MAML2: variants seen among roughly 807,000 people sequenced by gnomAD.
The protein encoded by MAML2 is mastermind-like protein 2.
In MAML2, 22 loss-of-function variants were observed where a neutral mutation model predicts 96.1. The observed-to-expected ratio is 0.23, with a 90% confidence interval of 0.16 to 0.33. MAML2 has a LOEUF of 0.33. Ranked by LOEUF, MAML2 falls within the 10% of genes least tolerant of loss-of-function variation. The pLI, the probability that MAML2 is intolerant of heterozygous loss-of-function variation, is 1.00. For synonymous variants in MAML2, 561 were observed against 521.3 expected, an observed-to-expected ratio of 1.08 and a Z score of -1.04; for missense variants, 1,367 against 1,392.4, an observed-to-expected ratio of 0.98 and a Z score of 0.29.
At chr11:95,988,171 GAGAT>G (rs113858488) in intron 3 of MAML2, among the ~76,000 whole-genome samples, 4 of 151,926 alleles carry the variant, frequency 2.6e-5, no homozygotes, top group African/African-American at 9.7e-5. Flanking sequence ...GAGAAAGAGA[GAGAT>G]AAAGAGAAGA....
At position 96,255,716 on chromosome 11, in the gene MAML2, G is replaced by T. The variant is rs569197881; in HGVS notation, c.513+85667C>A. 2.6e-5 allele frequency among the ~76,000 whole-genome samples: 4 copies of T among 152,208 alleles called. No homozygotes were observed. The South Asian group carries it at 8.3e-4, about 32-fold the overall frequency. On this transcript the variant is annotated intron_variant, in intron 1 of 4. Coordinates refer to ENST00000524717, the MANE Select transcript of MAML2 (RefSeq NM_032427.4). ...CTGCAGCCGCCATTTCCAGATGAGG[G>T]AATGACAAAGCCACAGGCTACGAAT...
chr11:96,155,536 A>ATATATC (rs1860998581), intron 1 of MAML2, among the ~76,000 whole-genome samples: 1 of 123,352 alleles, frequency 8.1e-6, no homozygotes, highest in Non-Finnish European at 1.7e-5. Context: ...ATATATATAT[A>ATATATC]TATATATATA....
intron 1 of MAML2, among the ~76,000 whole-genome samples, chr11:96,283,293 T>C (rs116541812): frequency 3.0e-3 from 457 of 152,342 alleles, no homozygotes; most frequent in African/African-American, 0.01. Context: ...TAATCTCACA[T>C]TAGTTTATTA....
chr11:96,152,805 C>T (rs1184205127), intron 1 of MAML2, among the ~76,000 whole-genome samples: 2 of 152,158 alleles, frequency 1.3e-5, no homozygotes, highest in Non-Finnish European at 2.9e-5. Context: ...TTTAACAATG[C>T]AGCTCAAACA....
intron 1 of MAML2, among the ~76,000 whole-genome samples, chr11:96,336,418 T>C (rs1863921692): frequency 6.6e-6 from 1 of 152,252 alleles, no homozygotes; most frequent in African/African-American, 2.4e-5. Context: ...TGGTTTTGCA[T>C]ACCATTAGGC....
chr11:96,204,679 T>A (rs2135933583), intron 1 of MAML2, among the ~76,000 whole-genome samples: 1 of 152,292 alleles, frequency 6.6e-6, no homozygotes, highest in East Asian at 1.9e-4. Context: ...AAACCACAAT[T>A]TATATCAGAA....
intron 2 of MAML2, among the ~76,000 whole-genome samples, chr11:96,017,620 C>T (rs1165280980): frequency 1.3e-5 from 2 of 152,080 alleles, no homozygotes; most frequent in African/African-American, 4.8e-5. Context: ...GGGTGTGTTG[C>T]TGGTACAGGT....
intron 2 of MAML2, among the ~76,000 whole-genome samples, chr11:96,046,788 G>C (rs1590980150): frequency 6.6e-6 from 1 of 152,128 alleles, no homozygotes. Flanking sequence ...TTTAGGAAAA[G>C]ATATGGTGGA....
intron 2 of MAML2, among the ~76,000 whole-genome samples, chr11:95,994,940 A>T (rs1857969842): frequency 6.6e-6 from 1 of 152,190 alleles, no homozygotes; most frequent in African/African-American, 2.4e-5. Context: ...GATGTGGCAG[A>T]AGTTAATTCA....
chr11:96,087,664 A>G (rs1181876055), intron 2 of MAML2, among the ~76,000 whole-genome samples: 2 of 152,104 alleles, frequency 1.3e-5, no homozygotes, highest in Non-Finnish European at 2.9e-5. Flanking sequence ...TATACTGACA[A>G]ATTTTGTTTC....
At chr11:96,310,727 C>T (rs569197267) in intron 1 of MAML2, among the ~76,000 whole-genome samples, 1 of 152,300 alleles carries the variant, frequency 6.6e-6, no homozygotes, top group South Asian at 2.1e-4. Context: ...AATTAAGTCA[C>T]TGTGCCTCTC....
intron 3 of MAML2, 85 bp from the exon 4 acceptor site, chr11:95,985,727 G>A: frequency 1.2e-6 from 1 of 811,192 alleles, no homozygotes; most frequent in East Asian, 2.8e-5. Flanking sequence ...TAAAATTTCA[G>A]AAAATATAAG....
In MAML2 at chr11:96,166,215, A is replaced by ACACACC. The variant is rs1372110272; in HGVS notation, c.514-72699_514-72698insGGTGTG. ...CACACACACACACACACACACACAC[A>ACACACC]CCCCACATTATGAAGGACTTTCAGG... On this transcript the variant is annotated intron_variant, in intron 1 of 4. Coordinates refer to ENST00000524717, the MANE Select transcript of MAML2 (RefSeq NM_032427.4). Among the ~76,000 whole-genome samples the ACACACC allele has an allele frequency of 8.9e-3, 1,296 of 145,260 alleles. 8 individuals carry two copies. Among genetic ancestry groups the ACACACC allele is most frequent in the African/African-American group, 0.013 (516 of 39,256 alleles).
chr11:96,167,499 G>A (rs2135896380), intron 1 of MAML2, among the ~76,000 whole-genome samples: 1 of 152,290 alleles, frequency 6.6e-6, no homozygotes, highest in Middle Eastern at 3.4e-3. Flanking sequence ...TTCGCACAGA[G>A]CAGAAGATCT....
chr11:96,188,001 T>C (rs1199529154), intron 1 of MAML2, among the ~76,000 whole-genome samples: 4 of 152,180 alleles, frequency 2.6e-5, no homozygotes, highest in Non-Finnish European at 5.9e-5. Context: ...CTTTGGCCTA[T>C]GGTTAAATGG....
At chr11:96,309,695 A>AG (rs1863510799) in intron 1 of MAML2, among the ~76,000 whole-genome samples, 1 of 118,114 alleles carries the variant, frequency 8.5e-6, no homozygotes. Context: ...CCAAAGGAAC[A>AG]ATTTTTTTTT....
At chr11:96,159,484 C>A (rs1386473118) in intron 1 of MAML2, among the ~76,000 whole-genome samples, 7 of 62,416 alleles carry the variant, frequency 1.1e-4, no homozygotes, top group African/African-American at 3.3e-4. Flanking sequence ...GCGATCTCGG[C>A]TGCGAGCCGA....
intron 1 of MAML2, among the ~76,000 whole-genome samples, chr11:96,177,860 GTTTTTGAGGGAA>G (rs931183382): frequency 5.9e-5 from 9 of 151,504 alleles, no homozygotes; most frequent in African/African-American, 1.5e-4. Context: ...AGACAGTGGC[GTTTTTGAGGGAA>G]TTTTTGAGGG....
At chr11:96,183,002 G>A (rs1257189359) in intron 1 of MAML2, among the ~76,000 whole-genome samples, 15 of 146,708 alleles carry the variant, frequency 1.0e-4, no homozygotes, top group Non-Finnish European at 1.6e-4. Context: ...TCTGTCACCA[G>A]GCTGGAGTGC....
Sources: gnomAD v4.1 joint callset for allele counts (sites outside exome capture counted in the v4.1 genomes callset) on GRCh38, gnomAD v4.1.1 for gene constraint, MANE v1.5 for transcripts, NCBI Gene and HGNC (gene_info 2026-07-23, HGNC 2026-07-21) for gene names.